Variants in CALB1 observed in about 807,000 individuals in gnomAD.
The protein encoded by CALB1 is calbindin.
CALB1 carries 16 observed loss-of-function variants against 46.7 expected under a neutral mutation model. The ratio of observed to expected loss-of-function variants is 0.34; its 90% CI spans 0.23 to 0.52. The LOEUF (loss-of-function observed/expected upper bound fraction) is 0.52. Ranked by LOEUF, CALB1 falls within the 20% of genes least tolerant of loss-of-function variation. The probability of loss-of-function intolerance (pLI) is 0.95; values close to 1 mark genes in which losing one functional copy is unlikely to be tolerated. For missense variants in CALB1, 224 were observed against 300.3 expected (o/e 0.75, Z 1.88); for synonymous variants, 90 against 112.8 (o/e 0.80, Z 1.28).
chr8:90,079,257 G>C (rs1778563964), intron 2 of CALB1, among the ~76,000 whole-genome samples: 3 of 151,772 alleles, frequency 2.0e-5, no homozygotes, highest in Admixed American at 2.0e-4. Flanking sequence ...GTTTGCTTTG[G>C]GGATAGATAG....
chr8:90,065,783 A>G lies in CALB1; in HGVS notation c.450+115T>C, dbSNP rs182303402. Reference sequence around the variant, plus strand: ...TTCAAATGAAATGATACCTATGTGCATATGATGCCCACACCACCGTTTATT... The same window carrying G: ...TTCAAATGAAATGATACCTATGTGCGTATGATGCCCACACCACCGTTTATT... On this transcript the variant is annotated intron_variant, in intron 6 of 10. Coordinates refer to ENST00000265431, the MANE Select transcript of CALB1 (RefSeq NM_004929.4). 298 of 682,496 alleles carry G rather than the reference A, an allele frequency of 4.4e-4. 2 individuals carry two copies. The East Asian group carries it at 6.0e-3, about 14-fold the overall frequency. The allele number at this position is 682,496 out of a possible 1,614,324, so 42.3% of individuals were successfully genotyped here.
At chr8:90,080,687 A>G (rs1814713546) in intron 2 of CALB1, among the ~76,000 whole-genome samples, 2 of 151,958 alleles carry the variant, frequency 1.3e-5, no homozygotes, top group African/African-American at 4.8e-5. Flanking sequence ...ATCTGGGTAA[A>G]ACAATCCCTA....
intron 9 of CALB1, chr8:90,062,325 GC>G (rs1814317665): frequency 6.6e-6 from 1 of 151,840 alleles, no homozygotes; most frequent in Non-Finnish European, 1.5e-5. Context: ...GACAACACAA[GC>G]AAAAATAGAC....
intron 5 of CALB1, among the ~76,000 whole-genome samples, chr8:90,067,897 G>A (rs186700581): frequency 1.8e-4 from 27 of 152,236 alleles, no homozygotes; most frequent in Admixed American, 2.6e-4. Flanking sequence ...TATATTAGGA[G>A]TGATAATACC....
Position 90,059,251 on chromosome 8 carries a change from G to A in CALB1, c.*922C>T, listed in dbSNP as rs1006889574. 1.3e-5 allele frequency: 2 copies of A among 152,474 alleles called. No individual in the cohort carries two copies. Among genetic ancestry groups the A allele is most frequent in the African/African-American group, 2.4e-5 (1 of 41,396 alleles). 9.4% of individuals were successfully genotyped at this position (152,474 alleles called of 1,614,324 possible). A position where few individuals can be genotyped will look rare whatever the true frequency, so the allele number is the denominator to read the frequency against. On this transcript the variant is annotated 3_prime_UTR_variant, in exon 11 of 11. Transcript: ENST00000265431. ...GAATTTTACATTAAAATTTAATTAT[G>A]TAGTAAAAAATAGAGTTGTTATAGC... is the stretch of plus-strand genomic sequence containing the variant.
At chr8:90,067,158 G>A (rs867568444) in intron 5 of CALB1, among the ~76,000 whole-genome samples, 6 of 152,056 alleles carry the variant, frequency 3.9e-5, no homozygotes, top group Non-Finnish European at 7.4e-5. Context: ...GACTAAAATG[G>A]TGGTCACAAA....
intron 10 of CALB1, 150 bp downstream of exon 10, chr8:90,060,479 T>C (rs1422766318): frequency 8.0e-6 from 6 of 753,746 alleles, no homozygotes; most frequent in African/African-American, 1.7e-5. Flanking sequence ...TACCCTGATT[T>C]AGGCCAGAAC....
intron 1 of CALB1, chr8:90,082,410 G>A (rs770812798): frequency 8.9e-5 from 55 of 615,318 alleles, no homozygotes; most frequent in Middle Eastern, 3.6e-4. Context: ...AAAGTTTAAG[G>A]TTTTGGGATT....
Position 90,082,078 on chromosome 8 carries a change from T to A in CALB1, c.104A>T (p.Glu35Val). ...ADGSGYLEGK[E>V]LQNLIQELQQ... Reference sequence around the variant, plus strand: ...GAGCTCCTGGATCAAGTTCTGCAGCTCCTTTCCTTCCAGGTAACCACTTCC... The same window carrying A: ...GAGCTCCTGGATCAAGTTCTGCAGCACCTTTCCTTCCAGGTAACCACTTCC... The change falls in exon 2 of 11, where the codon GAG becomes GTG. Residue 35 changes from glutamate to valine, a missense_variant. Coordinates refer to ENST00000265431, the MANE Select transcript of CALB1 (RefSeq NM_004929.4). 6.2e-7 allele frequency: 1 copy of A among 1,614,100 alleles called. No individual in the cohort carries two copies. Among genetic ancestry groups the A allele is most frequent in the Non-Finnish European group, 8.5e-7 (1 of 1,179,992 alleles).
chr8:90,063,973 C>T (rs1401462778), intron 6 of CALB1: 2 of 152,842 alleles, frequency 1.3e-5, no homozygotes, highest in Admixed American at 1.3e-4. Flanking sequence ...CTCTCCACTG[C>T]ACTTATATAT....
chr8:90,070,859 T>TGTGTGA (rs755186910), intron 3 of CALB1, among the ~76,000 whole-genome samples: 2,167 of 122,772 alleles, frequency 0.018, 25 homozygotes, highest in African/African-American at 0.033. Flanking sequence ...TGTGTGTGTG[T>TGTGTGA]GTGTGTGTGT....
intron 3 of CALB1, among the ~76,000 whole-genome samples, chr8:90,071,816 C>A (rs1335801796): frequency 6.6e-6 from 1 of 152,096 alleles, no homozygotes; most frequent in East Asian, 1.9e-4. Flanking sequence ...AAATAGCTAA[C>A]CCCAACTCGT....
At chr8:90,080,601 G>A (rs1029529220) in intron 2 of CALB1, among the ~76,000 whole-genome samples, 4 of 151,928 alleles carry the variant, frequency 2.6e-5, no homozygotes, top group Non-Finnish European at 5.9e-5. Context: ...AAGACATGGG[G>A]AGGGTGGAGA....
chr8:90,064,012 T>G (rs556176693), intron 6 of CALB1: 1 of 152,064 alleles, frequency 6.6e-6, no homozygotes, highest in East Asian at 1.9e-4. Context: ...CATCCAGATG[T>G]AAACACACTC....
chr8:90,069,102 G>C (rs754801682), intron 4 of CALB1, 48 bp from the exon 5 acceptor site: 9 of 1,608,790 alleles, frequency 5.6e-6, no homozygotes, highest in Non-Finnish European at 7.7e-6. Context: ...TTAATAAAAG[G>C]AACAATTTTC....
chr8:90,066,335 G>GGATTGT (rs1471925814), intron 5 of CALB1, among the ~76,000 whole-genome samples: 2 of 151,972 alleles, frequency 1.3e-5, no homozygotes, highest in Non-Finnish European at 2.9e-5. Context: ...AGTACTCATT[G>GGATTGT]GATTGTTCTG....
intron 3 of CALB1, among the ~76,000 whole-genome samples, chr8:90,075,776 A>G (rs1332416075): frequency 1.3e-5 from 2 of 152,098 alleles, no homozygotes; most frequent in African/African-American, 4.8e-5. Flanking sequence ...ATGCATATGA[A>G]CTATTGAAGC....
chr8:90,068,000 CTT>C lies in CALB1; in HGVS notation c.372+996_372+997del, dbSNP rs1467668668. Reference sequence around the variant, plus strand: ...CAGATAGTCAGTAAATATTAACTCACTTATATTTTAGTCACTCTATGTTCTAA... The same window carrying C: ...CAGATAGTCAGTAAATATTAACTCACATATTTTAGTCACTCTATGTTCTAA... On this transcript the variant is annotated intron_variant, in intron 5 of 10. Coordinates refer to ENST00000265431, the MANE Select transcript of CALB1 (RefSeq NM_004929.4). 5.3e-5 allele frequency among the ~76,000 whole-genome samples: 8 copies of C among 152,114 alleles called. 1 individual carries two copies. In the East Asian group the frequency reaches 1.5e-3, roughly 29 times the overall value.
At chr8:90,066,988 CTCTTT>C (rs1486327565) in intron 5 of CALB1, among the ~76,000 whole-genome samples, 1 of 152,042 alleles carries the variant, frequency 6.6e-6, no homozygotes, top group African/African-American at 2.4e-5. Context: ...AGGAAAGAGA[CTCTTT>C]TCTTAGTTTG....
Sources: gnomAD v4.1 joint callset for allele counts (sites outside exome capture counted in the v4.1 genomes callset) on GRCh38, gnomAD v4.1.1 for gene constraint, MANE v1.5 for transcripts, NCBI Gene and HGNC (gene_info 2026-07-23, HGNC 2026-07-21) for gene names.